Variants in ASB16 observed in about 807,000 individuals in gnomAD.
The protein encoded by ASB16 is ankyrin repeat and SOCS box protein 16.
In ASB16, 44 loss-of-function variants were observed where a neutral mutation model predicts 39.1. The ratio of observed to expected loss-of-function variants is 1.13; its 90% CI spans 0.88 to 1.45. The LOEUF is 1.45. Ranked by LOEUF, ASB16 falls within the 40% of genes most tolerant of loss-of-function variation. ASB16 has a pLI of 0.00. For missense variants in ASB16, 698 were observed against 634.5 expected, an observed-to-expected ratio of 1.10 and a Z score of -1.07; for synonymous variants, 305 against 286.7, an observed-to-expected ratio of 1.06 and a Z score of -0.64.
At chr17:44,171,313 C>A (rs2054241214) in intron 1 of ASB16, among the ~76,000 whole-genome samples, 1 of 152,108 alleles carries the variant, frequency 6.6e-6, no homozygotes, top group Non-Finnish European at 1.5e-5. Context: ...CGCCTGTAAT[C>A]CCAGCACTTT....
chr17:44,177,417 C>A, intron 3 of ASB16, 187 bp downstream of exon 3: 1 of 1,155,542 alleles, frequency 8.7e-7, no homozygotes, highest in East Asian at 2.7e-5. Context: ...AGGGAAGAGC[C>A]CCAGAGGAAA....
At position 44,177,645 on chromosome 17, in the gene ASB16, G is replaced by C. The variant is rs376241371; in HGVS notation, c.1099G>C (p.Glu367Gln). ...KHCANFPRAL[E>Q]VLLNAYPCVP... ...CTGCGCCAACTTCCCTCGGGCCCTG[G>C]AAGTCCTGCTTAATGCCTATCCTTG... Residue 367 changes from glutamate to glutamine, a missense_variant, in exon 4 of 5, where the codon GAA (glutamate) becomes CAA (glutamine). By Grantham distance (29) the Glu-to-Gln change is conservative. Coordinates refer to ENST00000293414, the MANE Select transcript of ASB16 (RefSeq NM_080863.5). 2.5e-6 allele frequency: 4 copies of C among 1,613,794 alleles called. No individual in the cohort carries two copies. In the African/African-American group the frequency reaches 4.0e-5, roughly 16 times the overall value.
In ASB16 at chr17:44,178,760, C is replaced by T. The variant is rs774874599; in HGVS notation, c.*370C>T. The stretch of plus-strand genomic sequence containing the variant: ...TTGGGATTACAGGCATGAGCCACTG[C>T]GCCTGGTTGCCTGCCCCTCTTTTCT... On this transcript the variant is annotated 3_prime_UTR_variant, in exon 5 of 5. Transcript: ENST00000293414. 10 of 254,428 alleles carry T rather than the reference C, an allele frequency of 3.9e-5. No individual in the cohort carries two copies. The highest frequency in any genetic ancestry group is 1.6e-4 in the African/African-American group (7 of 43,448). 15.8% of individuals were successfully genotyped at this position (254,428 alleles called of 1,614,324 possible).
rs2054329347 is a variant in ASB16 at position 44,178,270 on chromosome 17, GGCCC to G, written c.1244_1247del (p.Ala415AspfsTer2). ...ACCAGCCAAGGCAGCTGCAGCACCT[GGCCC>G]GACTAGCTGTGCGCGCTCGGTTGGG... On this transcript the variant is annotated frameshift_variant, in exon 5 of 5. Coordinates refer to ENST00000293414, the MANE Select transcript of ASB16 (RefSeq NM_080863.5). LOFTEE classifies it low-confidence loss of function (END_TRUNC). 2 of 1,613,372 alleles carry G rather than the reference GGCCC, an allele frequency of 1.2e-6. No individual in the cohort carries two copies. Among genetic ancestry groups the G allele is most frequent in the South Asian group, 2.2e-5 (2 of 91,062 alleles).
rs1311917329 is a variant in ASB16 at position 44,171,108 on chromosome 17, A to G, written c.301+18A>G. 17 of 1,600,314 alleles carry G rather than the reference A, an allele frequency of 1.1e-5. No homozygotes were observed. Among genetic ancestry groups the G allele is most frequent in the Non-Finnish European group, 1.5e-5 (17 of 1,171,422 alleles). On this transcript the variant is annotated intron_variant, in intron 1 of 4. Transcript: ENST00000293414. Reference sequence around the variant, plus strand: ...TGAACAGGGTAGGGGGCACCAGAAGAGGGCAGAAGAGGAGGGAGAAAGAAG... The same window carrying G: ...TGAACAGGGTAGGGGGCACCAGAAGGGGGCAGAAGAGGAGGGAGAAAGAAG...
At chr17:44,173,286 G>C (rs1598121962) in intron 2 of ASB16, among the ~76,000 whole-genome samples, 1 of 148,464 alleles carries the variant, frequency 6.7e-6, no homozygotes, top group South Asian at 2.1e-4. Flanking sequence ...CTAGCTACTC[G>C]GGAGGCTGAG....
chr17:44,177,794 T>A (rs1364313253), intron 4 of ASB16, 72 bp downstream of exon 4: 2 of 1,570,438 alleles, frequency 1.3e-6, no homozygotes, highest in East Asian at 4.5e-5. Flanking sequence ...ACCAGCCTCA[T>A]GGAGGGAGCA....
rs768294868 is a variant in ASB16 at position 44,178,348 on chromosome 17, C to T, written c.1320C>T (p.Leu440=). ...CCCGGCTGCCACTGCCCCCGCTCCTCAGGGACTACCTGCTGCTGCGTGTGG... is the reference window on the plus strand; with the variant it reads ...CCCGGCTGCCACTGCCCCCGCTCCTTAGGGACTACCTGCTGCTGCGTGTGG... ...GATRLPLPPL[L]RDYLLLRVEG... Residue 440 remains leucine (L), a synonymous_variant, in exon 5 of 5, where the codon CTC becomes CTT. Transcript: ENST00000293414. The T allele has an allele frequency of 1.2e-6, 2 of 1,610,974 alleles. No individual in the cohort carries two copies. Among genetic ancestry groups the T allele is most frequent in the Non-Finnish European group, 1.7e-6 (2 of 1,178,734 alleles).
At chr17:44,171,920 AGT>A in intron 1 of ASB16, 124 bp from the exon 2 acceptor site, 1 of 954,290 alleles carries the variant, frequency 1.0e-6, no homozygotes, top group Admixed American at 2.6e-5. Flanking sequence ...ACAGCCTGGC[AGT>A]GTTTGTGCTC....
rs2054298107 is a variant in ASB16 at position 44,176,832 on chromosome 17, C to T, written c.664C>T (p.Leu222=). 1 of 1,612,230 alleles carries T rather than the reference C, an allele frequency of 6.2e-7. No homozygotes were observed. Among genetic ancestry groups the T allele is most frequent in the African/African-American group, 1.3e-5 (1 of 74,914 alleles). The change falls in exon 3 of 5, where the codon CTG becomes TTG. Residue 222 remains leucine (L), a synonymous_variant. Transcript: ENST00000293414. Reference sequence around the variant, plus strand: ...CCTGCACGTGGCGGCGGCGCGCGGCCTGGAGCAACATGTGGCTCTGTACCT... The same window carrying T: ...CCTGCACGTGGCGGCGGCGCGCGGCTTGGAGCAACATGTGGCTCTGTACCT... ...TPLHVAAARG[L]EQHVALYLEH...
chr17:44,177,957 T>C lies in ASB16; in HGVS notation c.1176+235T>C, dbSNP rs1332984397. The C allele has an allele frequency of 8.8e-6, 6 of 681,494 alleles. No individual in the cohort carries two copies. The Admixed American group carries it at 1.2e-4, about 13-fold the overall frequency. The allele number at this position is 681,494 out of a possible 1,614,324, so 42.2% of individuals were successfully genotyped here. On this transcript the variant is annotated intron_variant, in intron 4 of 4. Coordinates refer to ENST00000293414, the MANE Select transcript of ASB16 (RefSeq NM_080863.5). Reference sequence around the variant, plus strand: ...GCACAGACATTTATCTGGCATCTCTTAACTTGGTGGGCACTGTGCTAGGCT... The same window carrying C: ...GCACAGACATTTATCTGGCATCTCTCAACTTGGTGGGCACTGTGCTAGGCT...
At chr17:44,177,763 C>A (rs1208775086) in intron 4 of ASB16, 41 bp downstream of exon 4, 1 of 1,604,260 alleles carries the variant, frequency 6.2e-7, no homozygotes, top group South Asian at 1.1e-5. Flanking sequence ...GAGGGACGAG[C>A]CACAGGCCTA....
At position 44,172,296 on chromosome 17, in the gene ASB16, G is replaced by A. The variant is rs139711178; in HGVS notation, c.552G>A (p.Thr184=). 1.4e-4 allele frequency: 223 copies of A among 1,612,508 alleles called. 1 individual carries two copies. The African/African-American group carries it at 2.4e-3, about 17-fold the overall frequency. Reference sequence around the variant, plus strand: ...GCACGACTCCTTTGCACCTCTGCACGATCCCCGAGTCCTTGCAGTAGGTGC... The same window carrying A: ...GCACGACTCCTTTGCACCTCTGCACAATCCCCGAGTCCTTGCAGTAGGTGC... ...EEGTTPLHLC[T]IPESLQCAKL... The change falls in exon 2 of 5, where the codon ACG becomes ACA. Residue 184 remains threonine (T), a synonymous_variant. Coordinates refer to ENST00000293414, the MANE Select transcript of ASB16 (RefSeq NM_080863.5).
At position 44,171,032 on chromosome 17, in the gene ASB16, G is replaced by A. The variant is rs572124875; in HGVS notation, c.243G>A (p.Glu81=). 20 of 1,614,094 alleles carry A rather than the reference G, an allele frequency of 1.2e-5. No homozygotes were observed. The East Asian group carries it at 3.1e-4, about 25-fold the overall frequency. The change falls in exon 1 of 5, where the codon GAG becomes GAA. Residue 81 remains glutamate (E), a synonymous_variant. Coordinates refer to ENST00000293414, the MANE Select transcript of ASB16 (RefSeq NM_080863.5). The part of the protein sequence containing the change: ...QQVQALFQDE[E]AANMIVETVS... ...TCCAAGCCCTGTTCCAAGATGAAGA[G>A]GCCGCCAACATGATTGTGGAGACTG... is the stretch of plus-strand genomic sequence containing the variant.
At chr17:44,171,119 G>A (rs1160433989) in intron 1 of ASB16, 29 bp downstream of exon 1, 4 of 1,592,206 alleles carry the variant, frequency 2.5e-6, no homozygotes, top group Non-Finnish European at 3.4e-6. Context: ...GGGCAGAAGA[G>A]GAGGGAGAAA....
intron 2 of ASB16, among the ~76,000 whole-genome samples, chr17:44,174,037 A>T (rs868388722): frequency 2.8e-3 from 317 of 114,696 alleles, no homozygotes; most frequent in African/African-American, 3.8e-3. Context: ...ACACCTGGCT[A>T]TTTTTTTTTT....
Position 44,176,507 on chromosome 17 carries a change from G to A in ASB16, c.570-231G>A, listed in dbSNP as rs915079847. 11 of 654,770 alleles carry A rather than the reference G, an allele frequency of 1.7e-5. No homozygotes were observed. The Middle Eastern group carries it at 1.3e-3, about 76-fold the overall frequency. 40.6% of individuals were successfully genotyped at this position (654,770 alleles called of 1,614,324 possible). On this transcript the variant is annotated intron_variant, in intron 2 of 4. Coordinates refer to ENST00000293414, the MANE Select transcript of ASB16 (RefSeq NM_080863.5). The stretch of plus-strand genomic sequence containing the variant: ...ACTAACTTGCTGTGTGTCCTTGGCT[G>A]CACAAATCACTCCTGGGCTTAAGTT...
rs148922917 is a variant in ASB16, at chr17:44,173,607, C to A, written c.569+1294C>A. Among the ~76,000 whole-genome samples the A allele has an allele frequency of 2.8e-3, 424 of 152,058 alleles. 1 individual carries two copies. Among genetic ancestry groups the A allele is most frequent in the African/African-American group, 9.3e-3 (387 of 41,490 alleles). ...ACTCGGGAGGCTGAGGCAGGATGATCTTTTGAGCTCAGAAGTTCAAGACCA... is the reference window on the plus strand; with the variant it reads ...ACTCGGGAGGCTGAGGCAGGATGATATTTTGAGCTCAGAAGTTCAAGACCA... On this transcript the variant is annotated intron_variant, in intron 2 of 4. Transcript: ENST00000293414.
Position 44,171,096 on chromosome 17 carries a change from G to C in ASB16, c.301+6G>C, listed in dbSNP as rs759661988. The stretch of plus-strand genomic sequence containing the variant: ...GGCCTGGTCGGCTGAACAGGGTAGG[G>C]GGCACCAGAAGAGGGCAGAAGAGGA... On this transcript the variant is annotated splice_donor_region_variant and intron_variant, in intron 1 of 4. Transcript: ENST00000293414. The C allele has an allele frequency of 6.2e-7, 1 of 1,610,962 alleles. No homozygotes were observed. The highest frequency in any genetic ancestry group is 2.2e-5 in the East Asian group (1 of 44,844).
Sources: allele counts gnomAD v4.1 joint callset (sites outside exome capture counted in the v4.1 genomes callset), GRCh38; gene constraint gnomAD v4.1.1; transcripts MANE v1.5; gene names NCBI Gene and HGNC (gene_info 2026-07-23, HGNC 2026-07-21).